The following ARAP1 variants were observed in gnomAD, a reference collection of about 807,000 sequenced individuals.
ARAP1 encodes the protein ArfGAP with RhoGAP domain, ankyrin repeat and PH domain 1.
In ARAP1, 76 loss-of-function variants were observed where a neutral mutation model predicts 172.2. That is an observed-to-expected ratio of 0.44 (90% CI 0.37 to 0.53). ARAP1 has a LOEUF of 0.53. Ranked by LOEUF, ARAP1 falls within the 20% of genes least tolerant of loss-of-function variation. The probability of loss-of-function intolerance (pLI) is 0.00; values close to 1 mark genes in which losing one functional copy is unlikely to be tolerated. For synonymous variants in ARAP1, 804 were observed against 803.3 expected (o/e 1.00, Z -0.01); for missense variants, 1,686 against 1,977.5 (o/e 0.85, Z 2.80).
chr11:72,716,354 T>C (rs1426410365), intron 3 of ARAP1, among the ~76,000 whole-genome samples: 1 of 152,184 alleles, frequency 6.6e-6, no homozygotes, highest in Non-Finnish European at 1.5e-5. Context: ...TAGATAAAAG[T>C]TAACCAAACC....
chr11:72,722,619 A>C (rs1204937983), intron 3 of ARAP1, among the ~76,000 whole-genome samples: 1 of 152,222 alleles, frequency 6.6e-6, no homozygotes, highest in African/African-American at 2.4e-5. Context: ...CAGGAAGACC[A>C]GGGATTGGCT....
In ARAP1 at chr11:72,742,270, C is replaced by A. The variant is rs142074604; in HGVS notation, c.-127-9673G>T. Among the ~76,000 whole-genome samples the A allele has an allele frequency of 8.0e-3, 1,219 of 152,282 alleles. 13 individuals carry two copies. The highest frequency in any genetic ancestry group is 0.012 in the Non-Finnish European group (850 of 68,036). On this transcript the variant is annotated intron_variant, in intron 1 of 34. Coordinates refer to ENST00000393609, the MANE Select transcript of ARAP1 (RefSeq NM_001040118.3). Reference sequence around the variant, plus strand: ...GAACTTGCTCACCTGATCCGGCCACCCCTGCTTGCAGCAACAAAAGGTCGT... The same window carrying A: ...GAACTTGCTCACCTGATCCGGCCACACCTGCTTGCAGCAACAAAAGGTCGT...
At chr11:72,744,956 G>A (rs1025365621) in intron 1 of ARAP1, among the ~76,000 whole-genome samples, 8 of 152,194 alleles carry the variant, frequency 5.3e-5, no homozygotes, top group Non-Finnish European at 1.5e-5. Flanking sequence ...AGCAGCCCCA[G>A]GCAGAGCAGG....
chr11:72,708,984 C>T (rs1330356817), intron 11 of ARAP1, among the ~76,000 whole-genome samples: 3 of 151,094 alleles, frequency 2.0e-5, no homozygotes, highest in Non-Finnish European at 2.9e-5. Context: ...TTGCAGTGAG[C>T]CGAGATCGTG....
In ARAP1 at chr11:72,717,433, A is replaced by G. The variant is rs112247907; in HGVS notation, c.510-3112T>C. On this transcript the variant is annotated intron_variant, in intron 3 of 34. Transcript: ENST00000393609. ...CCCCCAGGTCTGAGGGCCAGAGCTG[A>G]GGGGAAGGTGGTAACCATAAATAAA... Among the ~76,000 whole-genome samples the G allele has an allele frequency of 4.5e-3, 691 of 152,220 alleles. 5 individuals are homozygous for G. The highest frequency in any genetic ancestry group is 0.016 in the African/African-American group (671 of 41,534).
chr11:72,745,842 G>A (rs541588322), intron 1 of ARAP1, among the ~76,000 whole-genome samples: 24 of 152,280 alleles, frequency 1.6e-4, no homozygotes, highest in Middle Eastern at 3.4e-3. Flanking sequence ...GTGCTTCTCT[G>A]AGGGGCAGAG....
At chr11:72,735,485 A>G (rs1183572522) in intron 1 of ARAP1, among the ~76,000 whole-genome samples, 2 of 152,026 alleles carry the variant, frequency 1.3e-5, no homozygotes, top group African/African-American at 2.4e-5. Context: ...AATCCCAGCT[A>G]CTCGGGAGGC....
At chr11:72,751,730 C>T (rs1320762487) in intron 1 of ARAP1, among the ~76,000 whole-genome samples, 1 of 151,976 alleles carries the variant, frequency 6.6e-6, no homozygotes, top group Non-Finnish European at 1.5e-5. Flanking sequence ...CCCCGCCGGC[C>T]CTGCACCAAA....
chr11:72,723,893 C>T (rs1479838635), intron 3 of ARAP1, among the ~76,000 whole-genome samples: 1 of 152,222 alleles, frequency 6.6e-6, no homozygotes, highest in Non-Finnish European at 1.5e-5. Context: ...AGCACATGTA[C>T]ACACACGTGC....
intron 1 of ARAP1, among the ~76,000 whole-genome samples, chr11:72,744,258 C>A (rs1858288377): frequency 2.0e-5 from 3 of 152,136 alleles, no homozygotes; most frequent in South Asian, 4.1e-4. Context: ...TACCTGTGTC[C>A]CAAAGGTGGC....
chr11:72,702,836 G>A, intron 15 of ARAP1, 69 bp downstream of exon 15: 2 of 1,519,094 alleles, frequency 1.3e-6, no homozygotes, highest in Middle Eastern at 2.1e-4. Flanking sequence ...CGGCCTGAGA[G>A]CAGCAGGTAA....
chr11:72,744,600 G>A (rs11235580), intron 1 of ARAP1, among the ~76,000 whole-genome samples: 25,666 of 152,188 alleles, frequency 0.17, 3,257 homozygotes, highest in African/African-American at 0.35. Context: ...AGCCAGGGCC[G>A]CACGGGCAAG....
intron 1 of ARAP1, among the ~76,000 whole-genome samples, chr11:72,743,706 C>A (rs1858271702): frequency 6.6e-6 from 1 of 152,154 alleles, no homozygotes; most frequent in Admixed American, 6.5e-5. Flanking sequence ...GCTGCCCCAG[C>A]ACTTCCTGCT....
chr11:72,735,423 T>C (rs1301930454), intron 1 of ARAP1, among the ~76,000 whole-genome samples: 1 of 151,858 alleles, frequency 6.6e-6, no homozygotes, highest in East Asian at 1.9e-4. Context: ...CCAGCCCGAC[T>C]GTCTCTACTA....
chr11:72,726,203 C>A lies in ARAP1; in HGVS notation c.509+417G>T, dbSNP rs528981766. ...AGTCCCCTCACCCCCAACCCTACCC[C>A]GCAGCTTTCCGTTTCCTACACATGT... On this transcript the variant is annotated intron_variant, in intron 3 of 34. Coordinates refer to ENST00000393609, the MANE Select transcript of ARAP1 (RefSeq NM_001040118.3). The surrounding 1 kb of genome is among the most constrained non-coding windows in gnomAD (Gnocchi z 6.5). Among the ~76,000 whole-genome samples, 8 of 152,222 alleles carry A rather than the reference C, an allele frequency of 5.3e-5. No homozygotes were observed. Among genetic ancestry groups the A allele is most frequent in the African/African-American group, 1.9e-4 (8 of 41,516 alleles).
At chr11:72,719,450 A>G (rs1455182119) in intron 3 of ARAP1, among the ~76,000 whole-genome samples, 1 of 152,090 alleles carries the variant, frequency 6.6e-6, no homozygotes, top group Non-Finnish European at 1.5e-5. Context: ...ACTCAGCTCA[A>G]CTCATTGGTT....
rs760458999 is a variant in ARAP1, at chr11:72,692,739, C to A, written c.3987+14G>T. On this transcript the variant is annotated intron_variant, in intron 30 of 34. Coordinates refer to ENST00000393609, the MANE Select transcript of ARAP1 (RefSeq NM_001040118.3). ...TGGTGTAAGGCAGCTGGCAGTCAGC[C>A]CACAGCTACTCACGGTCTCAGGGGC... 109 of 1,613,678 alleles carry A rather than the reference C, an allele frequency of 6.8e-5. No individual in the cohort carries two copies. In the Admixed American group the frequency reaches 7.8e-4, roughly 12 times the overall value.
In ARAP1 at chr11:72,711,483, TC is replaced by T. The variant is rs1487815477; in HGVS notation, c.1038del (p.Lys347AsnfsTer4). 1 of 1,612,572 alleles carries T rather than the reference TC, an allele frequency of 6.2e-7. No individual in the cohort carries two copies. ...TCAGTATCCAGTCTCACCCATCGTT[TC>T]TGATAGATGTAAGATCTGGAGAGGG... ...KNPPQGSYIY[Q>X]KRWVRLDTDH... On this transcript the variant is annotated frameshift_variant, in exon 8 of 35. Coordinates refer to ENST00000393609, the MANE Select transcript of ARAP1 (RefSeq NM_001040118.3). LOFTEE classifies it high-confidence loss of function.
At chr11:72,701,879 C>T (rs559540370) in intron 15 of ARAP1, 96 bp from the exon 16 acceptor site, 12 of 1,485,998 alleles carry the variant, frequency 8.1e-6, no homozygotes, top group East Asian at 2.3e-5. Flanking sequence ...GGCTCACTTT[C>T]GAATCATCAG....
Sources: gnomAD v4.1 joint callset for allele counts (sites outside exome capture counted in the v4.1 genomes callset) on GRCh38, gnomAD v4.1.1 for gene constraint, Gnocchi (gnomAD v3.1) non-coding constraint, MANE v1.5 for transcripts, NCBI Gene and HGNC (gene_info 2026-07-23, HGNC 2026-07-21) for gene names.